Variants in SLC18A2 observed in about 807,000 individuals in gnomAD.
The protein encoded by SLC18A2 is solute carrier family 18 member A2, also known as synaptic vesicular amine transporter.
Under a neutral mutation model 59.2 loss-of-function variants are expected in SLC18A2, and 33 were observed. The observed-to-expected ratio is 0.56, with a 90% CI of 0.42 to 0.75. The LOEUF is 0.75. SLC18A2 is among the 30% of genes least tolerant of loss of function. SLC18A2 has a pLI of 0.00. For missense variants in SLC18A2, 569 were observed against 668.6 expected, an observed-to-expected ratio of 0.85 and a Z score of 1.64; for synonymous variants, 228 against 253.5, an observed-to-expected ratio of 0.90 and a Z score of 0.95.
At position 117,247,902 on chromosome 10, in the gene SLC18A2, A is replaced by G. The variant is rs1589977975; in HGVS notation, c.464+3589A>G. Among the ~76,000 whole-genome samples the G allele has an allele frequency of 2.6e-5, 4 of 152,338 alleles. No homozygotes were observed. The South Asian group carries it at 6.2e-4, about 24-fold the overall frequency. On this transcript the variant is annotated intron_variant, in intron 3 of 15. Transcript: ENST00000644641. ...CACCACACCATAACTGGAATCCTCT[A>G]TTCACAGTCGTGATGGTGCCATGTG...
At position 117,279,226 on chromosome 10, in the gene SLC18A2, T is replaced by C. The variant is rs1424818613; in HGVS notation, c.*1960T>C. The C allele has an allele frequency of 6.6e-6, 1 of 152,230 alleles. No homozygotes were observed. Among genetic ancestry groups the C allele is most frequent in the Admixed American group, 6.5e-5 (1 of 15,288 alleles). 9.4% of individuals were successfully genotyped at this position (152,230 alleles called of 1,614,324 possible). A position where few individuals can be genotyped will look rare whatever the true frequency, so the allele number is the denominator to read the frequency against. ...CTTGGTTAGCAAGACTGGAAAGAGGTGTTTTTTTAAAATGTACATACCAGA... is the reference window on the plus strand; with the variant it reads ...CTTGGTTAGCAAGACTGGAAAGAGGCGTTTTTTTAAAATGTACATACCAGA... On this transcript the variant is annotated 3_prime_UTR_variant, in exon 16 of 16. Coordinates refer to ENST00000644641, the MANE Select transcript of SLC18A2 (RefSeq NM_003054.6).
chr10:117,243,898 G>GT (rs1844080539), intron 2 of SLC18A2, 73 bp from the exon 3 acceptor site: 1 of 1,298,470 alleles, frequency 7.7e-7, no homozygotes, highest in East Asian at 2.4e-5. Flanking sequence ...CACAACCATA[G>GT]TTTTTTGCTG....
chr10:117,267,825 C>A, intron 13 of SLC18A2, 89 bp downstream of exon 13: 1 of 1,011,012 alleles, frequency 9.9e-7, no homozygotes, highest in South Asian at 1.8e-5. Flanking sequence ...AGTTCCTCAA[C>A]CTAAATTTCC....
chr10:117,254,159 G>A (rs770823814), intron 5 of SLC18A2, 28 bp downstream of exon 5: 10 of 1,606,692 alleles, frequency 6.2e-6, no homozygotes, highest in Non-Finnish European at 7.7e-6. Context: ...GAGTGAGTTC[G>A]TGAGGGGCCC....
intron 3 of SLC18A2, among the ~76,000 whole-genome samples, chr10:117,252,618 G>T (rs142611532): frequency 1.3e-5 from 2 of 152,202 alleles, no homozygotes; most frequent in African/African-American, 4.8e-5. Flanking sequence ...AAGAGAATGA[G>T]GGAGGAGATG....
In SLC18A2 at chr10:117,269,173, A is replaced by G. The variant is rs1000945399; in HGVS notation, c.1187-898A>G. On this transcript the variant is annotated intron_variant, in intron 13 of 15. Transcript: ENST00000644641. The surrounding 1 kb of genome is among the most constrained non-coding windows in gnomAD (Gnocchi z 5.1). ...TACATATGCACACATACACACATACATATACACACATACACACACACCTAC... is the reference window on the plus strand; with the variant it reads ...TACATATGCACACATACACACATACGTATACACACATACACACACACCTAC... 2.0e-5 allele frequency among the ~76,000 whole-genome samples: 3 copies of G among 149,150 alleles called. No homozygotes were observed. Among genetic ancestry groups the G allele is most frequent in the African/African-American group, 7.5e-5 (3 of 40,142 alleles).
chr10:117,253,407 A>G lies in SLC18A2; in HGVS notation c.473A>G (p.Tyr158Cys), dbSNP rs758917810. 7 of 1,613,234 alleles carry G rather than the reference A, an allele frequency of 4.3e-6. No individual in the cohort carries two copies. The highest frequency in any genetic ancestry group is 5.9e-6 in the Non-Finnish European group (7 of 1,179,162). ...ATGTTTGTGTTTTGCAGAATTGGCT[A>G]TCCAATTCCCATATTTGCGGGATTC... ...FIGLLTNRIGYPIPIFAGFCI... is the reference protein window; with the variant it reads ...FIGLLTNRIGCPIPIFAGFCI... Residue 158 changes from tyrosine (Y) to cysteine (C), a missense_variant, in exon 4 of 16, where the codon TAT (tyrosine) becomes TGT (cysteine). Tyr to Cys is a radical substitution (Grantham distance 194, BLOSUM62 -2). This residue lies in a region of SLC18A2 where 377 missense variants were observed against 389.8 expected (regional missense o/e 0.97). Coordinates refer to ENST00000644641, the MANE Select transcript of SLC18A2 (RefSeq NM_003054.6).
chr10:117,251,942 C>A (rs114159397), intron 3 of SLC18A2, among the ~76,000 whole-genome samples: 1 of 151,558 alleles, frequency 6.6e-6, no homozygotes, highest in African/African-American at 2.4e-5. Context: ...TAAATGAAGG[C>A]GCTATGATTA....
At chr10:117,245,581 A>G (rs967352633) in intron 3 of SLC18A2, among the ~76,000 whole-genome samples, 9 of 152,172 alleles carry the variant, frequency 5.9e-5, no homozygotes, top group African/African-American at 1.4e-4. Context: ...GACTGGCTGC[A>G]TAATTTGTGG....
rs775694982 is a variant in SLC18A2, at chr10:117,244,014, G to T, written c.165G>T (p.Lys55Asn). 3 of 1,614,012 alleles carry T rather than the reference G, an allele frequency of 1.9e-6. No individual in the cohort carries two copies. The highest frequency in any genetic ancestry group is 1.6e-4 in the Middle Eastern group (1 of 6,062). The change falls in exon 3 of 16, where the codon AAG becomes AAT. Residue 55 changes from lysine to asparagine, a missense_variant. Coordinates refer to ENST00000644641, the MANE Select transcript of SLC18A2 (RefSeq NM_003054.6). ...ATCTGTACAGCATTAAGCATGAGAA[G>T]AATGCTACAGAAATCCAGACGGCCA... Reference protein sequence around the residue: ...PSYLYSIKHEKNATEIQTARP... With the variant: ...PSYLYSIKHENNATEIQTARP...
At chr10:117,241,608 C>T (rs1287334541) in intron 1 of SLC18A2, 71 bp from the exon 2 acceptor site, 33 of 1,427,446 alleles carry the variant, frequency 2.3e-5, no homozygotes, top group East Asian at 2.1e-4. Context: ...CCCGCCCTTC[C>T]GCGGCCTGGG....
intron 10 of SLC18A2, among the ~76,000 whole-genome samples, chr10:117,261,225 A>AAACAAAAC (rs71301596): frequency 6.6e-6 from 1 of 150,796 alleles, no homozygotes; most frequent in African/African-American, 2.5e-5. Flanking sequence ...CAAAACAAAA[A>AAACAAAAC]ACCCAAAAAC....
In SLC18A2 at chr10:117,255,673, T is replaced by A. The variant is rs1432819495; in HGVS notation, c.895+16T>A. Reference sequence around the variant, plus strand: ...ATTGCTGCAGGTGGGGCTCTGTGGGTCTTCTGAGTCAGGGGAATGCGAGGT... The same window carrying A: ...ATTGCTGCAGGTGGGGCTCTGTGGGACTTCTGAGTCAGGGGAATGCGAGGT... On this transcript the variant is annotated intron_variant, in intron 9 of 15. Transcript: ENST00000644641. The A allele has an allele frequency of 6.2e-7, 1 of 1,611,146 alleles. No homozygotes were observed. Among genetic ancestry groups the A allele is most frequent in the South Asian group, 1.1e-5 (1 of 91,026 alleles).
chr10:117,279,273 G>C lies in SLC18A2; in HGVS notation c.*2007G>C, dbSNP rs1035351112. The C allele has an allele frequency of 6.6e-6, 1 of 152,130 alleles. No homozygotes were observed. The highest frequency in any genetic ancestry group is 1.9e-4 in the East Asian group (1 of 5,188). The allele number at this position is 152,130 out of a possible 1,614,324, so 9.4% of individuals were successfully genotyped here. ...CAGAACAAAGAACATACAGCTCTCTGAACATTTATTTTTTGAACAGAGGTG... is the reference window on the plus strand; with the variant it reads ...CAGAACAAAGAACATACAGCTCTCTCAACATTTATTTTTTGAACAGAGGTG... On this transcript the variant is annotated 3_prime_UTR_variant, in exon 16 of 16. Transcript: ENST00000644641.
chr10:117,253,458 G>A lies in SLC18A2; in HGVS notation c.523+1G>A. 6.2e-7 allele frequency: 1 copy of A among 1,605,114 alleles called. No homozygotes were observed. Among genetic ancestry groups the A allele is most frequent in the Non-Finnish European group, 8.5e-7 (1 of 1,174,170 alleles). ...TGCATCATGTTTGTCTCAACAATTA[G>A]TAAGTGTGTGGTGTTTTCCTTCTGA... is the stretch of plus-strand genomic sequence containing the variant. On this transcript the variant is annotated splice_donor_variant, in intron 4 of 15. Coordinates refer to ENST00000644641, the MANE Select transcript of SLC18A2 (RefSeq NM_003054.6). LOFTEE classifies it high-confidence loss of function.
At position 117,271,155 on chromosome 10, in the gene SLC18A2, G is replaced by T. The variant is rs552441947; in HGVS notation, c.1440+692G>T. On this transcript the variant is annotated intron_variant, in intron 15 of 15. Coordinates refer to ENST00000644641, the MANE Select transcript of SLC18A2 (RefSeq NM_003054.6). ...CAGCAAGGAGACGCTCAGTGTTTCTGATCATCTTTCTTATCTGGTGTTGCC... is the reference window on the plus strand; with the variant it reads ...CAGCAAGGAGACGCTCAGTGTTTCTTATCATCTTTCTTATCTGGTGTTGCC... Among the ~76,000 whole-genome samples the T allele has an allele frequency of 2.6e-5, 4 of 152,326 alleles. No homozygotes were observed. The South Asian group carries it at 8.3e-4, about 32-fold the overall frequency.
chr10:117,248,668 C>T (rs572153851), intron 3 of SLC18A2, among the ~76,000 whole-genome samples: 1 of 152,154 alleles, frequency 6.6e-6, no homozygotes, highest in Non-Finnish European at 1.5e-5. Flanking sequence ...TATATATGTC[C>T]ATAAGAGGAA....
Position 117,241,728 on chromosome 10 carries a change from T to C in SLC18A2, c.35T>C (p.Leu12Pro). The stretch of plus-strand genomic sequence containing the variant: ...AGCGAGCTGGCGCTGGTCCGCTGGC[T>C]GCAGGAGAGCCGCCGCTCGCGGAAG... ...ALSELALVRW[L>P]QESRRSRKLI... is the part of the protein sequence containing the mutation. Residue 12 changes from leucine (L) to proline (P), a missense_variant, in exon 2 of 16, where the codon CTG (leucine) becomes CCG (proline). Around this residue, in one of 2 missense-constraint regions of SLC18A2, gnomAD observed 377 missense variants for 389.8 expected, o/e 0.97. Coordinates refer to ENST00000644641, the MANE Select transcript of SLC18A2 (RefSeq NM_003054.6). 8.1e-6 allele frequency: 13 copies of C among 1,607,344 alleles called. No homozygotes were observed. Among genetic ancestry groups the C allele is most frequent in the Non-Finnish European group, 1.1e-5 (13 of 1,177,920 alleles).
intron 15 of SLC18A2, among the ~76,000 whole-genome samples, chr10:117,270,854 C>T (rs1010111657): frequency 2.7e-4 from 41 of 152,276 alleles, no homozygotes; most frequent in African/African-American, 7.5e-4. Flanking sequence ...ATAACCCTTA[C>T]AGCATTCAGT....
Sources: gnomAD v4.1 joint callset for allele counts (sites outside exome capture counted in the v4.1 genomes callset) on GRCh38, gnomAD v4.1.1 for gene constraint, gnomAD v4.1.1 regional missense constraint, Gnocchi (gnomAD v3.1) non-coding constraint, MANE v1.5 for transcripts, NCBI Gene and HGNC (gene_info 2026-07-23, HGNC 2026-07-21) for gene names.